SHISA9: variants seen among roughly 807,000 people sequenced by gnomAD.
SHISA9 encodes the protein protein shisa-9.
SHISA9 carries 13 observed loss-of-function variants against 38.0 expected under a neutral mutation model. That is an observed-to-expected ratio of 0.34 (90% CI 0.22 to 0.54). The LOEUF (loss-of-function observed/expected upper bound fraction) is 0.54. SHISA9 is among the 20% of genes least tolerant of loss of function. SHISA9 has a pLI of 0.91. For missense variants in SHISA9, 538 were observed against 575.8 expected (o/e 0.93, Z 0.67); for synonymous variants, 275 against 242.0 (o/e 1.14, Z -1.27).
At chr16:12,925,679 T>A (rs2071385016) in intron 2 of SHISA9, among the ~76,000 whole-genome samples, 1 of 152,214 alleles carries the variant, frequency 6.6e-6, no homozygotes, top group Admixed American at 6.5e-5. Flanking sequence ...TGGTTTAGTT[T>A]AAAAGATGCC....
At chr16:13,452,124 G>A in the SHISA9 span, among the ~76,000 whole-genome samples, 2 of 152,176 alleles carry the variant, frequency 1.3e-5, no homozygotes, top group Non-Finnish European at 2.9e-5. Context: ...ATGGCAACCT[G>A]GGGCTGGGGC....
chr16:12,934,535 A>C (rs563560593), intron 2 of SHISA9, among the ~76,000 whole-genome samples: 1 of 152,326 alleles, frequency 6.6e-6, no homozygotes, highest in East Asian at 1.9e-4. Context: ...AATGTTCTGG[A>C]GAGAAGACTT....
intron 2 of SHISA9, among the ~76,000 whole-genome samples, chr16:12,952,968 C>A (rs959756862): frequency 6.6e-6 from 1 of 152,094 alleles, no homozygotes; most frequent in African/African-American, 2.4e-5. Flanking sequence ...GAGGCAGGCA[C>A]AGCTCCTGAC....
intron 2 of SHISA9, among the ~76,000 whole-genome samples, chr16:13,019,906 T>C (rs1165363956): frequency 1.7e-5 from 1 of 59,612 alleles, no homozygotes; most frequent in Non-Finnish European, 4.0e-5. Flanking sequence ...TTTCTTTCTT[T>C]CTTTCTTTCT....
intron 2 of SHISA9, among the ~76,000 whole-genome samples, chr16:13,155,641 G>A (rs192027242): frequency 5.3e-4 from 81 of 152,104 alleles, no homozygotes; most frequent in Non-Finnish European, 1.1e-3. Context: ...TATGGTGGGG[G>A]TAGGGCACTG....
intron 2 of SHISA9, among the ~76,000 whole-genome samples, chr16:13,004,292 G>A (rs951416996): frequency 6.6e-6 from 1 of 152,322 alleles, no homozygotes; most frequent in African/African-American, 2.4e-5. Flanking sequence ...TCAATAGTGA[G>A]TCTGTGGCAG....
chr16:13,127,215 AAGAG>A (rs887047686), intron 2 of SHISA9, among the ~76,000 whole-genome samples: 1 of 113,474 alleles, frequency 8.8e-6, no homozygotes, highest in African/African-American at 3.4e-5. Flanking sequence ...GAGAGAGGGA[AAGAG>A]AGGGAGGGGG....
Position 13,022,328 on chromosome 16 carries a change from TAA to T in SHISA9, c.691+105519_691+105520del, listed in dbSNP as rs1161724876. 8.1e-3 allele frequency among the ~76,000 whole-genome samples: 1,171 copies of T among 144,190 alleles called. 13 individuals are homozygous for T. Among genetic ancestry groups the T allele is most frequent in the African/African-American group, 0.026 (1,031 of 38,912 alleles). The allele number at this position is 144,190 out of a possible 152,430, so 94.6% of individuals were successfully genotyped here. A position where few individuals can be genotyped will look rare whatever the true frequency, so the allele number is the denominator to read the frequency against. ...CACAAGGTCTGGCTAATTTTTACAT[TAA>T]AAAAATTTTTTTTTTTTCGAGACAG... On this transcript the variant is annotated intron_variant, in intron 2 of 4. Transcript: ENST00000558583.
intron 2 of SHISA9, among the ~76,000 whole-genome samples, chr16:12,921,547 A>G (rs745404335): frequency 1.3e-5 from 2 of 152,202 alleles, no homozygotes; most frequent in Non-Finnish European, 2.9e-5. Flanking sequence ...GGATCGTTTG[A>G]GGTCAGGAGT....
At chr16:13,184,315 T>G (rs1275363568) in intron 2 of SHISA9, among the ~76,000 whole-genome samples, 1 of 152,198 alleles carries the variant, frequency 6.6e-6, no homozygotes, top group African/African-American at 2.4e-5. Flanking sequence ...CAGCTGTACT[T>G]TCTGCCTCAG....
At chr16:13,022,323 T>C (rs529684283) in intron 2 of SHISA9, among the ~76,000 whole-genome samples, 16 of 148,852 alleles carry the variant, frequency 1.1e-4, no homozygotes, top group Non-Finnish European at 1.9e-4. Flanking sequence ...GGCTAATTTT[T>C]ACATTAAAAA....
chr16:12,973,657 A>C (rs2072115817), intron 2 of SHISA9, among the ~76,000 whole-genome samples: 1 of 152,192 alleles, frequency 6.6e-6, no homozygotes, highest in African/African-American at 2.4e-5. Flanking sequence ...GTGTATATGT[A>C]ACACATTGAA....
At chr16:13,499,931 A>G in the SHISA9 span, among the ~76,000 whole-genome samples, 1 of 152,196 alleles carries the variant, frequency 6.6e-6, no homozygotes, top group Non-Finnish European at 1.5e-5. Context: ...ATCTTCACAC[A>G]TGCAGCCCTC....
At chr16:13,550,027 A>AC in the SHISA9 span, among the ~76,000 whole-genome samples, 1 of 151,650 alleles carries the variant, frequency 6.6e-6, no homozygotes, top group Non-Finnish European at 1.5e-5. Flanking sequence ...TGTCTCAAAA[A>AC]AAAAAAAAAT....
intron 2 of SHISA9, among the ~76,000 whole-genome samples, chr16:13,148,697 A>G (rs2050470718): frequency 1.5e-5 from 2 of 130,276 alleles, no homozygotes; most frequent in African/African-American, 6.8e-5. Context: ...AAGCACACAC[A>G]CACACACACA....
chr16:13,266,535 A>T, the SHISA9 span, among the ~76,000 whole-genome samples: 1 of 152,190 alleles, frequency 6.6e-6, no homozygotes, highest in Admixed American at 6.5e-5. Context: ...TGCAAGCAGC[A>T]TTCCCACAGG....
chr16:13,264,170 CTTTTT>C, the SHISA9 span, among the ~76,000 whole-genome samples: 1 of 124,340 alleles, frequency 8.0e-6, no homozygotes, highest in African/African-American at 2.9e-5. Flanking sequence ...TGTTTTAAAT[CTTTTT>C]TTTTTTTTTT....
chr16:12,933,568 C>T (rs1233479388), intron 2 of SHISA9, among the ~76,000 whole-genome samples: 1 of 152,202 alleles, frequency 6.6e-6, no homozygotes, highest in East Asian at 1.9e-4. Context: ...GCTGGGATTA[C>T]AGGTGTGAGC....
At chr16:13,262,674 G>GGAAGGAAGGA in the SHISA9 span, among the ~76,000 whole-genome samples, 2 of 47,046 alleles carry the variant, frequency 4.3e-5, no homozygotes, top group African/African-American at 1.0e-4. Flanking sequence ...GGAAGGAAGG[G>GGAAGGAAGGA]AGGGAGGAAG....
Sources: gnomAD v4.1 joint callset for allele counts (sites outside exome capture counted in the v4.1 genomes callset) on GRCh38, gnomAD v4.1.1 for gene constraint, MANE v1.5 for transcripts, NCBI Gene and HGNC (gene_info 2026-07-23, HGNC 2026-07-21) for gene names.